The following ADAMTSL1 variants were observed in gnomAD, a reference collection of about 807,000 sequenced individuals.
ADAMTSL1 encodes the protein ADAMTS like 1.
ADAMTSL1 carries 126 observed loss-of-function variants against 201.8 expected under a neutral mutation model. The observed-to-expected ratio is 0.62, with a 90% CI of 0.54 to 0.72. The LOEUF is 0.72. Ranked by LOEUF, ADAMTSL1 falls within the 30% of genes least tolerant of loss-of-function variation. The pLI is 0.00. For synonymous variants in ADAMTSL1, 1,121 were observed against 903.4 expected, an observed-to-expected ratio of 1.24 and a Z score of -4.32; for missense variants, 2,679 against 2,277.8, an observed-to-expected ratio of 1.18 and a Z score of -3.59.
chr9:18,029,701 G>T (rs1430313511), intron 1 of ADAMTSL1, among the ~76,000 whole-genome samples: 2 of 151,738 alleles, frequency 1.3e-5, no homozygotes, highest in Non-Finnish European at 2.9e-5. Context: ...AAATTTACAA[G>T]AAAAAAACAA....
rs113542802 is a variant in ADAMTSL1 at position 18,432,187 on chromosome 9, A to G, written c.208-72642A>G. ...TGCCAACCATAGATTACATAAAATA[A>G]TCTCTTTTGTGTCTTTAATCAAATC... On this transcript the variant is annotated intron_variant, in intron 2 of 29. Coordinates refer to the ADAMTSL1 transcript ENST00000680146. Among the ~76,000 whole-genome samples, 956 of 152,260 alleles carry G rather than the reference A, an allele frequency of 6.3e-3. 8 individuals carry two copies. The highest frequency in any genetic ancestry group is 0.021 in the African/African-American group (867 of 41,552).
chr9:18,574,226 A>C lies in ADAMTSL1; in HGVS notation c.434A>C (p.Tyr145Ser), dbSNP rs775750982. Residue 145 changes from tyrosine to serine, a missense_variant, in exon 4 of 29, where the codon TAT becomes TCT. Physicochemically the swap from Tyr to Ser is moderately radical, Grantham distance 144. Coordinates refer to ENST00000380548, the MANE Select transcript of ADAMTSL1 (RefSeq NM_001040272.6). ...AAGGTCTTAGATGGTACGCGTTGCT[A>C]TACAGAATCTTTGGATATGTGCATC... ...APKVLDGTRC[Y>S]TESLDMCISG... 2.7e-5 allele frequency: 43 copies of C among 1,614,050 alleles called. No individual in the cohort carries two copies. The highest frequency in any genetic ancestry group is 3.1e-5 in the Non-Finnish European group (37 of 1,180,032).
chr9:18,392,307 G>T (rs1838085982), intron 2 of ADAMTSL1, among the ~76,000 whole-genome samples: 1 of 152,184 alleles, frequency 6.6e-6, no homozygotes, highest in Non-Finnish European at 1.5e-5. Flanking sequence ...TTTAGTACAT[G>T]TGGTTAATAA....
intron 1 of ADAMTSL1, among the ~76,000 whole-genome samples, chr9:18,496,219 G>T (rs562629677): frequency 6.6e-6 from 1 of 152,264 alleles, no homozygotes; most frequent in East Asian, 1.9e-4. Flanking sequence ...AGTAACTTCA[G>T]GTTAAGGAGA....
intron 1 of ADAMTSL1, among the ~76,000 whole-genome samples, chr9:18,089,694 C>A (rs2131809148): frequency 6.6e-6 from 1 of 152,256 alleles, no homozygotes; most frequent in Admixed American, 6.5e-5. Flanking sequence ...CATGATTCCA[C>A]TTGTAAAATA....
intron 23 of ADAMTSL1, among the ~76,000 whole-genome samples, chr9:18,852,466 A>G (rs1395253969): frequency 6.7e-6 from 1 of 149,642 alleles, no homozygotes; most frequent in Admixed American, 6.7e-5. Context: ...CTCAGAAGCC[A>G]GATCCTGGAA....
intron 2 of ADAMTSL1, among the ~76,000 whole-genome samples, chr9:18,347,595 C>T (rs1173982720): frequency 6.6e-6 from 1 of 152,168 alleles, no homozygotes; most frequent in Non-Finnish European, 1.5e-5. Flanking sequence ...TGAATCAGCA[C>T]AGCTGTCATC....
intron 2 of ADAMTSL1, among the ~76,000 whole-genome samples, chr9:18,265,943 G>C (rs1293125351): frequency 1.3e-5 from 2 of 151,978 alleles, no homozygotes; most frequent in East Asian, 3.9e-4. Context: ...CCTGCCAACA[G>C]GGACATTTAC....
At chr9:18,796,340 C>T (rs934407902) in intron 20 of ADAMTSL1, among the ~76,000 whole-genome samples, 1 of 152,182 alleles carries the variant, frequency 6.6e-6, no homozygotes, top group Non-Finnish European at 1.5e-5. Flanking sequence ...GCTCATTGTT[C>T]TCCCTACTTC....
At chr9:18,281,440 G>C (rs552793703) in intron 2 of ADAMTSL1, among the ~76,000 whole-genome samples, 6 of 152,122 alleles carry the variant, frequency 3.9e-5, no homozygotes, top group African/African-American at 1.4e-4. Context: ...CCACTGATCC[G>C]TGCACAGACG....
chr9:18,441,123 C>T (rs1272466561), intron 2 of ADAMTSL1, among the ~76,000 whole-genome samples: 1 of 151,730 alleles, frequency 6.6e-6, no homozygotes, highest in Non-Finnish European at 1.5e-5. Flanking sequence ...CAGTCAAACC[C>T]ATAAGATACA....
At chr9:18,124,961 A>T (rs1825670364) in intron 1 of ADAMTSL1, among the ~76,000 whole-genome samples, 1 of 152,202 alleles carries the variant, frequency 6.6e-6, no homozygotes, top group East Asian at 1.9e-4. Flanking sequence ...GGAGTGACTC[A>T]TTCACCCAGT....
intron 23 of ADAMTSL1, among the ~76,000 whole-genome samples, chr9:18,862,027 C>T (rs948624681): frequency 1.6e-4 from 24 of 152,288 alleles, no homozygotes; most frequent in Admixed American, 1.3e-3. Flanking sequence ...GGTAGCTCCA[C>T]CCCCACTGCT....
intron 5 of ADAMTSL1, among the ~76,000 whole-genome samples, chr9:18,627,479 GA>G (rs1826465230): frequency 6.6e-6 from 1 of 152,200 alleles, no homozygotes; most frequent in Non-Finnish European, 1.5e-5. Flanking sequence ...GGGGGCGTCA[GA>G]AAACTGAAAT....
chr9:18,859,753 A>G (rs769429347), intron 23 of ADAMTSL1, among the ~76,000 whole-genome samples: 3 of 152,234 alleles, frequency 2.0e-5, no homozygotes, highest in Non-Finnish European at 4.4e-5. Flanking sequence ...AGCGTAGTTT[A>G]TATTAGTGAA....
chr9:18,229,490 G>A (rs2132399695), intron 2 of ADAMTSL1, among the ~76,000 whole-genome samples: 1 of 144,124 alleles, frequency 6.9e-6, no homozygotes, highest in Non-Finnish European at 1.6e-5. Flanking sequence ...ACGTAAGGAA[G>A]AACTTTCTAT....
At chr9:18,087,712 T>C (rs1823827565) in intron 1 of ADAMTSL1, among the ~76,000 whole-genome samples, 1 of 152,206 alleles carries the variant, frequency 6.6e-6, no homozygotes, top group African/African-American at 2.4e-5. Context: ...TTTTTGATAA[T>C]ATTTTATGAT....
At chr9:18,116,139 C>T (rs1025388519) in intron 1 of ADAMTSL1, among the ~76,000 whole-genome samples, 1 of 152,064 alleles carries the variant, frequency 6.6e-6, no homozygotes, top group Non-Finnish European at 1.5e-5. Context: ...AGGCTTGATG[C>T]CATCATATGT....
At chr9:18,813,827 G>T (rs1823664172) in intron 20 of ADAMTSL1, among the ~76,000 whole-genome samples, 1 of 152,108 alleles carries the variant, frequency 6.6e-6, no homozygotes, top group Non-Finnish European at 1.5e-5. Flanking sequence ...TAATTGGTTT[G>T]GCTAAGACTT....
Sources: gnomAD v4.1 joint callset for allele counts (sites outside exome capture counted in the v4.1 genomes callset) on GRCh38, gnomAD v4.1.1 for gene constraint, MANE v1.5 for transcripts, NCBI Gene and HGNC (gene_info 2026-07-23, HGNC 2026-07-21) for gene names.